The following NDFIP2 variants were observed in gnomAD, a reference collection of about 807,000 sequenced individuals.
The protein encoded by NDFIP2 is NEDD4 family-interacting protein 2.
A neutral mutation model predicts 36.0 loss-of-function variants in NDFIP2; 19 were observed. That is an observed-to-expected ratio of 0.53 (90% CI 0.37 to 0.77). The LOEUF (loss-of-function observed/expected upper bound fraction) is 0.77, where lower values mean the gene tolerates loss of function less well. Among genes scored for constraint, NDFIP2 ranks in the 30% least tolerant of loss-of-function variants. The probability of loss-of-function intolerance (pLI) is 0.00; values close to 1 mark genes in which losing one functional copy is unlikely to be tolerated. For missense variants in NDFIP2, 446 were observed against 435.8 expected (o/e 1.02, Z -0.21); for synonymous variants, 181 against 167.7 (o/e 1.08, Z -0.61).
rs569859833 is a variant in NDFIP2 at position 79,485,040 on chromosome 13, A to G, written c.321+3516A>G. 5.3e-5 allele frequency among the ~76,000 whole-genome samples: 8 copies of G among 152,308 alleles called. No individual in the cohort carries two copies. The South Asian group carries it at 1.7e-3, about 32-fold the overall frequency. ...GCAAAAAAGAGGTGACCTCCAGGTT[A>G]AAGACTGATCATTACTCATGACATA... On this transcript the variant is annotated intron_variant, in intron 1 of 7. Coordinates refer to ENST00000218652, the MANE Select transcript of NDFIP2 (RefSeq NM_019080.3).
chr13:79,510,004 T>C lies in NDFIP2; in HGVS notation c.322-10806T>C, dbSNP rs185538853. 5.9e-3 allele frequency among the ~76,000 whole-genome samples: 892 copies of C among 152,284 alleles called. 3 individuals are homozygous for C. The highest frequency in any genetic ancestry group is 1.0e-2 in the Non-Finnish European group (679 of 68,010). ...CCACTGACTCAAATGTTAATCTCCT[T>C]TGGCAACACCGTCACACCCAGAATC... On this transcript the variant is annotated intron_variant, in intron 1 of 7. Transcript: ENST00000218652.
chr13:79,524,168 C>G (rs796574049), intron 2 of NDFIP2, among the ~76,000 whole-genome samples: 2 of 152,188 alleles, frequency 1.3e-5, no homozygotes, highest in South Asian at 2.1e-4. Flanking sequence ...TCTTCCATAT[C>G]CTCATTATTA....
At chr13:79,502,958 G>A (rs1420931270) in intron 1 of NDFIP2, among the ~76,000 whole-genome samples, 1 of 151,626 alleles carries the variant, frequency 6.6e-6, no homozygotes, top group Non-Finnish European at 1.5e-5. Flanking sequence ...AAAGAAGTCA[G>A]TGTTGAAAAG....
chr13:79,516,975 A>G (rs1445075372), intron 1 of NDFIP2, among the ~76,000 whole-genome samples: 2 of 152,202 alleles, frequency 1.3e-5, no homozygotes, highest in Admixed American at 6.5e-5. Context: ...ATCTTTATGC[A>G]CTGGAAGGCT....
intron 1 of NDFIP2, among the ~76,000 whole-genome samples, chr13:79,506,419 ATATTT>A (rs1873870391): frequency 6.6e-6 from 1 of 152,124 alleles, no homozygotes; most frequent in Non-Finnish European, 1.5e-5. Flanking sequence ...TGGCTATATA[ATATTT>A]TATTGTCTTG....
In NDFIP2 at chr13:79,533,315, T is replaced by C; in HGVS notation, c.488-8T>C. 1 of 1,589,376 alleles carries C rather than the reference T, an allele frequency of 6.3e-7. No individual in the cohort carries two copies. The highest frequency in any genetic ancestry group is 8.5e-7 in the Non-Finnish European group (1 of 1,172,250). ...TTATTGGTTATTCTTTTTGAATTCT[T>C]TCTTCAGATACAGAAGTTTACGGTG... On this transcript the variant is annotated splice_polypyrimidine_tract_variant and splice_region_variant and intron_variant, in intron 2 of 7. Coordinates refer to ENST00000218652, the MANE Select transcript of NDFIP2 (RefSeq NM_019080.3).
At chr13:79,548,151 T>A (rs1214202632) in intron 5 of NDFIP2, among the ~76,000 whole-genome samples, 177 bp from the exon 6 acceptor site, 1 of 152,140 alleles carries the variant, frequency 6.6e-6, no homozygotes, top group Non-Finnish European at 1.5e-5. Flanking sequence ...TGATTTTTTC[T>A]CAAATAATTT....
intron 1 of NDFIP2, among the ~76,000 whole-genome samples, chr13:79,506,687 T>A (rs1162868409): frequency 6.6e-6 from 1 of 152,130 alleles, no homozygotes; most frequent in Non-Finnish European, 1.5e-5. Flanking sequence ...ACAAGCAGTC[T>A]AGGCACCCAG....
chr13:79,551,928 T>C (rs1482599485), intron 7 of NDFIP2, among the ~76,000 whole-genome samples: 1 of 151,422 alleles, frequency 6.6e-6, no homozygotes, highest in Non-Finnish European at 1.5e-5. Flanking sequence ...AGTACTTAAC[T>C]TCTGAATGCA....
At position 79,481,521 on chromosome 13, in the gene NDFIP2, G is replaced by C. The variant is rs1169103916; in HGVS notation, c.318G>C (p.Gln106His). 1 of 1,548,648 alleles carries C rather than the reference G, an allele frequency of 6.5e-7. No homozygotes were observed. The highest frequency in any genetic ancestry group is 8.7e-7 in the Non-Finnish European group (1 of 1,146,300). ...DHHQPGTGRY[Q>H]VLLNEEDNSE... ...ACCAGCCGGGGACTGGGCGCTACCA[G>C]GTGGTGAGTTCCCGGCCTCCTGTGC... The change falls in exon 1 of 8, where the codon CAG becomes CAC. Residue 106 changes from glutamine (Q) to histidine (H), a missense_variant. This residue lies in a region of NDFIP2 where 369 missense variants were observed against 304.8 expected (regional missense o/e 1.21). Coordinates refer to ENST00000218652, the MANE Select transcript of NDFIP2 (RefSeq NM_019080.3).
At chr13:79,488,718 G>C (rs1873113987) in intron 1 of NDFIP2, among the ~76,000 whole-genome samples, 1 of 152,084 alleles carries the variant, frequency 6.6e-6, no homozygotes, top group Non-Finnish European at 1.5e-5. Context: ...TTAGGTGTTG[G>C]TTAATAAGAC....
chr13:79,521,941 CAGCCTCCCAAGT>C (rs1874601913), intron 2 of NDFIP2, among the ~76,000 whole-genome samples: 1 of 151,512 alleles, frequency 6.6e-6, no homozygotes, highest in Admixed American at 6.6e-5. Flanking sequence ...TCTCCTGCCT[CAGCCTCCCAAGT>C]AGCTGGGACT....
chr13:79,549,136 C>T (rs1156372537), intron 6 of NDFIP2, among the ~76,000 whole-genome samples: 1 of 151,914 alleles, frequency 6.6e-6, no homozygotes, highest in African/African-American at 2.4e-5. Context: ...AGTCTTCTCT[C>T]TGAGTTTTTA....
At chr13:79,537,572 A>G (rs971329614) in intron 3 of NDFIP2, among the ~76,000 whole-genome samples, 1 of 152,206 alleles carries the variant, frequency 6.6e-6, no homozygotes, top group African/African-American at 2.4e-5. Context: ...TAAATTTAGT[A>G]TATTGAGTTT....
chr13:79,485,345 G>A (rs1359443802), intron 1 of NDFIP2, among the ~76,000 whole-genome samples: 3 of 152,198 alleles, frequency 2.0e-5, no homozygotes, highest in African/African-American at 7.2e-5. Context: ...AAACAGCTCA[G>A]TATGAGGAAA....
chr13:79,512,458 A>C (rs1178526983), intron 1 of NDFIP2, among the ~76,000 whole-genome samples: 1 of 152,184 alleles, frequency 6.6e-6, no homozygotes, highest in East Asian at 1.9e-4. Flanking sequence ...GAGGAAAAAA[A>C]AAAAGGCTTT....
chr13:79,547,151 A>G (rs1875717028), intron 5 of NDFIP2, among the ~76,000 whole-genome samples: 1 of 152,108 alleles, frequency 6.6e-6, no homozygotes, highest in Non-Finnish European at 1.5e-5. Context: ...AAAATACTTA[A>G]AAGGCTATAA....
At chr13:79,532,910 T>C (rs1393425143) in intron 2 of NDFIP2, among the ~76,000 whole-genome samples, 1 of 152,228 alleles carries the variant, frequency 6.6e-6, no homozygotes, top group Non-Finnish European at 1.5e-5. Flanking sequence ...TGGTTAGTAT[T>C]ATGTAAATGT....
In NDFIP2 at chr13:79,533,111, G is replaced by T. The variant is rs950918046; in HGVS notation, c.488-212G>T. Among the ~76,000 whole-genome samples, 3 of 152,146 alleles carry T rather than the reference G, an allele frequency of 2.0e-5. No homozygotes were observed. In the South Asian group the frequency reaches 6.2e-4, roughly 32 times the overall value. ...TGTTTAGTGTATTAGCCTTTAAACGGTATTTATCCATTCTTTCTCTTTATA... is the reference window on the plus strand; with the variant it reads ...TGTTTAGTGTATTAGCCTTTAAACGTTATTTATCCATTCTTTCTCTTTATA... On this transcript the variant is annotated intron_variant, in intron 2 of 7. Coordinates refer to ENST00000218652, the MANE Select transcript of NDFIP2 (RefSeq NM_019080.3).
Sources: gnomAD v4.1 joint callset for allele counts (sites outside exome capture counted in the v4.1 genomes callset) on GRCh38, gnomAD v4.1.1 for gene constraint, gnomAD v4.1.1 regional missense constraint, MANE v1.5 for transcripts, NCBI Gene and HGNC (gene_info 2026-07-23, HGNC 2026-07-21) for gene names.